Variants in NEK5 observed in about 807,000 individuals in gnomAD.
The protein encoded by NEK5 is serine/threonine-protein kinase Nek5.
Under a neutral mutation model 109.2 loss-of-function variants are expected in NEK5, and 88 were observed. The ratio of observed to expected loss-of-function variants is 0.81; its 90% CI spans 0.68 to 0.96. The LOEUF (loss-of-function observed/expected upper bound fraction) is 0.96, where lower values mean the gene tolerates loss of function less well. NEK5 is among the 40% of genes least tolerant of loss of function. NEK5 has a pLI of 0.00. For synonymous variants in NEK5, 283 were observed against 299.9 expected (o/e 0.94, Z 0.58); for missense variants, 834 against 920.7 (o/e 0.91, Z 1.22).
At chr13:52,112,933 C>T (rs117451879) in intron 4 of NEK5, among the ~76,000 whole-genome samples, 2,373 of 152,292 alleles carry the variant, frequency 0.016, 73 homozygotes, top group Admixed American at 0.08. Context: ...CTAGTATGTC[C>T]AAGTACCTCT....
rs73500148 is a variant in NEK5, at chr13:52,100,305, G to A, written c.893-429C>T. Among the ~76,000 whole-genome samples the A allele has an allele frequency of 6.7e-3, 1,016 of 151,704 alleles. 7 individuals carry two copies. The highest frequency in any genetic ancestry group is 0.022 in the African/African-American group (928 of 41,372). On this transcript the variant is annotated intron_variant, in intron 11 of 23. Coordinates refer to ENST00000684899, the MANE Select transcript of NEK5 (RefSeq NM_001365552.1). ...TTGAGACAGTCTCACTCTGTCACCC[G>A]GGCTACGGTGCAGTGGCAGGGTCTG...
At chr13:52,079,269 C>T (rs1954925151) in intron 17 of NEK5, among the ~76,000 whole-genome samples, 1 of 129,696 alleles carries the variant, frequency 7.7e-6, no homozygotes, top group East Asian at 2.4e-4. Flanking sequence ...ATAAGTAGGG[C>T]TTTAAAAAGT....
chr13:52,119,392 A>C lies in NEK5; in HGVS notation c.141T>G (p.Ala47=). 1 of 1,596,986 alleles carries C rather than the reference A, an allele frequency of 6.3e-7. No homozygotes were observed. The highest frequency in any genetic ancestry group is 8.6e-7 in the Non-Finnish European group (1 of 1,167,132). ...FEKMPIQEKE[A]SKKEVILLEK... ...CCAGAAGAATCACTTCTTTCTTTGA[A>C]GCTTCTTTTTCTTGTATGGGCATCT... Residue 47 remains alanine, a synonymous_variant, in exon 4 of 24, where the codon GCT becomes GCG. Coordinates refer to ENST00000684899, the MANE Select transcript of NEK5 (RefSeq NM_001365552.1).
intron 22 of NEK5, among the ~76,000 whole-genome samples, chr13:52,051,678 C>T (rs1008703976): frequency 7.9e-5 from 12 of 152,140 alleles, no homozygotes; most frequent in Non-Finnish European, 1.6e-4. Context: ...AAATAAATCT[C>T]GGGACCGATT....
chr13:52,072,676 A>C (rs1419178940), intron 19 of NEK5, among the ~76,000 whole-genome samples: 1 of 152,236 alleles, frequency 6.6e-6, no homozygotes, highest in African/African-American at 2.4e-5. Flanking sequence ...TTAGGAATTT[A>C]TGGTTGAACA....
intron 3 of NEK5, among the ~76,000 whole-genome samples, chr13:52,120,542 G>GA (rs899275957): frequency 2.7e-5 from 4 of 148,764 alleles, no homozygotes; most frequent in South Asian, 2.1e-4. Context: ...TAGTCAACTC[G>GA]AAAAAAAAAG....
At chr13:52,063,120 C>T (rs747513457) in intron 21 of NEK5, among the ~76,000 whole-genome samples, 1 of 152,090 alleles carries the variant, frequency 6.6e-6, no homozygotes, top group Non-Finnish European at 1.5e-5. Flanking sequence ...CCTCTGATGC[C>T]GAGCTGAAGC....
intron 9 of NEK5, among the ~76,000 whole-genome samples, 194 bp downstream of exon 9, chr13:52,104,304 T>G (rs905506049): frequency 1.3e-5 from 2 of 152,202 alleles, no homozygotes; most frequent in African/African-American, 4.8e-5. Flanking sequence ...CACATACTAT[T>G]CTCCAACTTG....
intron 5 of NEK5, among the ~76,000 whole-genome samples, chr13:52,110,782 C>G (rs1027036608): frequency 1.3e-5 from 2 of 152,084 alleles, no homozygotes; most frequent in Non-Finnish European, 2.9e-5. Context: ...AATGGAGGCA[C>G]AGAAAAGTAA....
chr13:52,121,640 C>T (rs1955972540), intron 3 of NEK5, among the ~76,000 whole-genome samples: 1 of 152,190 alleles, frequency 6.6e-6, no homozygotes, highest in Non-Finnish European at 1.5e-5. Context: ...CTCTTTCTTT[C>T]TCATCTAGCC....
chr13:52,112,059 C>T (rs1210292095), intron 5 of NEK5, among the ~76,000 whole-genome samples: 1 of 152,058 alleles, frequency 6.6e-6, no homozygotes, highest in Non-Finnish European at 1.5e-5. Flanking sequence ...GAAAATCTCA[C>T]TCTCTAAAAA....
chr13:52,125,219 T>C (rs1196208362), intron 3 of NEK5, among the ~76,000 whole-genome samples: 1 of 152,220 alleles, frequency 6.6e-6, no homozygotes, highest in African/African-American at 2.4e-5. Context: ...TAAATGTTTA[T>C]TCTTTAAGCC....
intron 1 of NEK5, 86 bp downstream of exon 1, chr13:52,128,943 C>G (rs1036929311): frequency 2.0e-5 from 3 of 152,596 alleles, no homozygotes; most frequent in Non-Finnish European, 4.4e-5. Flanking sequence ...CAGGCCGAAA[C>G]TCCATCCCTT....
At chr13:52,113,819 T>C (rs920799116) in intron 4 of NEK5, among the ~76,000 whole-genome samples, 4 of 152,258 alleles carry the variant, frequency 2.6e-5, no homozygotes, top group Non-Finnish European at 5.9e-5. Context: ...GTCATGAGGG[T>C]GGAGCCCACA....
At chr13:52,073,336 G>A (rs1194488796) in intron 19 of NEK5, among the ~76,000 whole-genome samples, 2 of 145,468 alleles carry the variant, frequency 1.4e-5, no homozygotes. Flanking sequence ...TTTTTTTTGA[G>A]ACAGTGTCTC....
chr13:52,066,115 G>T (rs1350220768), intron 20 of NEK5, among the ~76,000 whole-genome samples: 1 of 151,914 alleles, frequency 6.6e-6, no homozygotes, highest in African/African-American at 2.4e-5. Flanking sequence ...CAAAAAATTG[G>T]ACCACATACT....
intron 22 of NEK5, among the ~76,000 whole-genome samples, chr13:52,057,106 T>C (rs1163678823): frequency 6.6e-6 from 1 of 151,564 alleles, no homozygotes; most frequent in Non-Finnish European, 1.5e-5. Flanking sequence ...TAAAAAATGA[T>C]AAAGGGGATA....
At chr13:52,076,407 T>C (rs776500720) in intron 17 of NEK5, among the ~76,000 whole-genome samples, 8 of 152,198 alleles carry the variant, frequency 5.3e-5, no homozygotes, top group Non-Finnish European at 7.3e-5. Context: ...AATTCAAGAA[T>C]GTAATTTTGA....
At position 52,086,322 on chromosome 13, in the gene NEK5, G is replaced by T. The variant is rs761636819; in HGVS notation, c.1434C>A (p.His478Gln). Residue 478 changes from histidine to glutamine, a missense_variant, in exon 16 of 24, where the codon CAC (histidine) becomes CAA (glutamine). Physicochemically the swap from His to Gln is conservative, Grantham distance 24. This residue lies in a region of NEK5 where 777 missense variants were observed against 824.7 expected (regional missense o/e 0.94). Transcript: ENST00000684899. Reference sequence around the variant, plus strand: ...TCTTTCTAATTTCTTTCATGTCATTGTGGTACTGTTGGCGTATTTCCTCTA... The same window carrying T: ...TCTTTCTAATTTCTTTCATGTCATTTTGGTACTGTTGGCGTATTTCCTCTA... Reference protein sequence around the residue: ...KQLEEIRQQYHNDMKEIRKKM... With the variant: ...KQLEEIRQQYQNDMKEIRKKM... 3 of 1,612,634 alleles carry T rather than the reference G, an allele frequency of 1.9e-6. No homozygotes were observed. The highest frequency in any genetic ancestry group is 2.5e-6 in the Non-Finnish European group (3 of 1,178,880).
Sources: gnomAD v4.1 joint callset for allele counts (sites outside exome capture counted in the v4.1 genomes callset) on GRCh38, gnomAD v4.1.1 for gene constraint, gnomAD v4.1.1 regional missense constraint, MANE v1.5 for transcripts, NCBI Gene and HGNC (gene_info 2026-07-23, HGNC 2026-07-21) for gene names.